Variants in CHLSN observed in about 807,000 individuals in gnomAD.
CHLSN encodes protein cholesin.
chr7:1,054,684 C>T, the CHLSN span, among the ~76,000 whole-genome samples: 2 of 152,186 alleles, frequency 1.3e-5, no homozygotes, highest in Non-Finnish European at 2.9e-5. Context: ...AGGAGGGGTG[C>T]GGCGGGCAAG....
the CHLSN span, among the ~76,000 whole-genome samples, chr7:1,016,666 CAG>C: frequency 2.0e-3 from 234 of 117,342 alleles, 9 homozygotes; most frequent in African/African-American, 7.7e-3. Context: ...CAGCAGCGCA[CAG>C]CAGCACACGC....
chr7:989,083 G>C, the CHLSN span: 1 of 444,224 alleles, frequency 2.3e-6, no homozygotes, highest in Non-Finnish European at 4.0e-6. Context: ...CCAGGGCCCC[G>C]CCCACTCTCC....
At chr7:985,220 C>G in the CHLSN span, 1 of 1,555,150 alleles carries the variant, frequency 6.4e-7, no homozygotes. Context: ...ATCACCTTCG[C>G]GCTCCTCTTC....
the CHLSN span, among the ~76,000 whole-genome samples, chr7:1,046,712 TGGA>T: frequency 6.7e-6 from 1 of 149,380 alleles, no homozygotes; most frequent in Non-Finnish European, 1.5e-5. Context: ...AGGGACAAGG[TGGA>T]GGTGGGGCAG....
the CHLSN span, chr7:1,137,657 A>G: frequency 6.6e-6 from 1 of 151,968 alleles, no homozygotes; most frequent in Admixed American, 6.5e-5. Flanking sequence ...CATTTTTAAA[A>G]ATTATCCGGG....
chr7:1,108,573 C>A, the CHLSN span, among the ~76,000 whole-genome samples: 8 of 152,348 alleles, frequency 5.3e-5, no homozygotes, highest in East Asian at 1.5e-3. Flanking sequence ...TGATTCTGTG[C>A]GGATGGCTTT....
At chr7:1,096,420 G>A in the CHLSN span, among the ~76,000 whole-genome samples, 1 of 152,178 alleles carries the variant, frequency 6.6e-6, no homozygotes, top group African/African-American at 2.4e-5. This position sits in a 1 kb window ranked among gnomAD's most constrained non-coding sequence, Gnocchi z 4.6. Context: ...CTGGGCCCTG[G>A]AGTCCCTGAC....
the CHLSN span, among the ~76,000 whole-genome samples, chr7:1,053,100 A>G: frequency 1.3e-5 from 2 of 152,202 alleles, no homozygotes; most frequent in African/African-American, 4.8e-5. Context: ...ATTGTTCTCC[A>G]GTTCCAGGAT....
chr7:1,010,661 A>AC, the CHLSN span, among the ~76,000 whole-genome samples: 1 of 151,876 alleles, frequency 6.6e-6, no homozygotes, highest in Non-Finnish European at 1.5e-5. Context: ...GGGGGCCAAG[A>AC]CCCCCAAGGG....
the CHLSN span, among the ~76,000 whole-genome samples, chr7:1,060,229 A>T: frequency 1.3e-5 from 2 of 152,088 alleles, no homozygotes; most frequent in East Asian, 3.9e-4. Context: ...TAGGCCTGCA[A>T]TCCCCTACCT....
the CHLSN span, among the ~76,000 whole-genome samples, chr7:980,684 CTTTTTTTTTT>C: frequency 1.0e-5 from 1 of 97,044 alleles, no homozygotes; most frequent in Non-Finnish European, 2.0e-5. Context: ...GTAACAGTTA[CTTTTTTTTTT>C]TTTTTTTTTT....
At chr7:1,092,320 C>G in the CHLSN span, 4 of 1,611,772 alleles carry the variant, frequency 2.5e-6, no homozygotes, top group Admixed American at 1.7e-5. Flanking sequence ...CGCCGTGCAC[C>G]TGCAGCACAC....
chr7:1,026,778 CGA>C, the CHLSN span: 1 of 152,260 alleles, frequency 6.6e-6, no homozygotes, highest in Non-Finnish European at 1.5e-5. Flanking sequence ...CCGTAGTGCT[CGA>C]GAGGGCCTTG....
the CHLSN span, among the ~76,000 whole-genome samples, chr7:1,015,049 C>T: frequency 6.6e-6 from 1 of 152,260 alleles, no homozygotes; most frequent in Non-Finnish European, 1.5e-5. Flanking sequence ...CCTGACACGG[C>T]TGCTGTGGGC....
the CHLSN span, among the ~76,000 whole-genome samples, chr7:995,329 G>A: frequency 6.6e-6 from 1 of 152,242 alleles, no homozygotes; most frequent in African/African-American, 2.4e-5. Context: ...GATCCACAGA[G>A]GTGGGAACCC....
At chr7:1,084,880 G>A in the CHLSN span, among the ~76,000 whole-genome samples, 8 of 152,270 alleles carry the variant, frequency 5.3e-5, no homozygotes, top group Admixed American at 5.2e-4. Context: ...GAATCAGGGG[G>A]ACCCATGCTG....
chr7:1,111,901 C>T, the CHLSN span, among the ~76,000 whole-genome samples: 1 of 152,150 alleles, frequency 6.6e-6, no homozygotes, highest in African/African-American at 2.4e-5. Flanking sequence ...CAGAAATCCT[C>T]AGCACACGCG....
chr7:1,045,820 AGGTCGG>A, the CHLSN span: 1 of 152,284 alleles, frequency 6.6e-6, no homozygotes, highest in African/African-American at 2.4e-5. Context: ...CACAGAGAAG[AGGTCGG>A]GGCCAGAGCA....
At chr7:1,048,697 C>T in the CHLSN span, among the ~76,000 whole-genome samples, 2 of 152,202 alleles carry the variant, frequency 1.3e-5, no homozygotes, top group Non-Finnish European at 1.5e-5. Context: ...AAGATGCCAA[C>T]GTCTCACTTG....
Sources: allele counts gnomAD v4.1 joint callset (sites outside exome capture counted in the v4.1 genomes callset), GRCh38; gene constraint gnomAD v4.1.1; non-coding constraint Gnocchi (gnomAD v3.1); transcripts MANE v1.5; gene names NCBI Gene and HGNC (gene_info 2026-07-23, HGNC 2026-07-21).